The following RAPGEF2 variants were observed in gnomAD, a reference collection of about 807,000 sequenced individuals.
The protein encoded by RAPGEF2 is Rap guanine nucleotide exchange factor 2.
Under a neutral mutation model 186.7 loss-of-function variants are expected in RAPGEF2, and 54 were observed. The observed-to-expected ratio is 0.29, with a 90% CI of 0.23 to 0.36. The LOEUF (loss-of-function observed/expected upper bound fraction) is 0.36, where lower values mean the gene tolerates loss of function less well. Ranked by LOEUF, RAPGEF2 falls within the 10% of genes least tolerant of loss-of-function variation. The pLI is 1.00. For missense variants in RAPGEF2, 1,532 were observed against 2,045.0 expected, an observed-to-expected ratio of 0.75 and a Z score of 4.84; for synonymous variants, 712 against 705.9, an observed-to-expected ratio of 1.01 and a Z score of -0.14.
chr4:159,343,986 T>C (rs764827060), intron 22 of RAPGEF2, 50 bp from the exon 23 acceptor site: 7 of 1,516,796 alleles, frequency 4.6e-6, no homozygotes, highest in Non-Finnish European at 6.4e-6. Flanking sequence ...GTGATCTTTC[T>C]GTCTCTCTTT....
At chr4:159,242,501 T>G (rs1754137004) in intron 6 of RAPGEF2, among the ~76,000 whole-genome samples, 2 of 152,000 alleles carry the variant, frequency 1.3e-5, no homozygotes, top group African/African-American at 4.8e-5. Flanking sequence ...GAGAGCCCTT[T>G]TTATTTAAAT....
At chr4:159,149,602 C>A (rs1743315860) in intron 1 of RAPGEF2, among the ~76,000 whole-genome samples, 1 of 152,110 alleles carries the variant, frequency 6.6e-6, no homozygotes, top group African/African-American at 2.4e-5. Flanking sequence ...TCTCCCTCAT[C>A]CTCCTCACTC....
chr4:159,342,182 G>A (rs1729564380), intron 20 of RAPGEF2, among the ~76,000 whole-genome samples: 2 of 151,980 alleles, frequency 1.3e-5, no homozygotes, highest in South Asian at 4.1e-4. Flanking sequence ...GAAACATTTT[G>A]GTAGCATCTG....
At chr4:159,322,222 A>G (rs1765321691) in intron 9 of RAPGEF2, 125 bp from the exon 10 acceptor site, 15 of 733,260 alleles carry the variant, frequency 2.0e-5, no homozygotes, top group Non-Finnish European at 1.1e-5. Context: ...AAGATACTTG[A>G]TATGTATTTT....
In RAPGEF2 at chr4:159,317,828, G is replaced by A. The variant is rs370601997; in HGVS notation, c.853+3060G>A. Among the ~76,000 whole-genome samples the A allele has an allele frequency of 7.2e-5, 11 of 151,842 alleles. No homozygotes were observed. The East Asian group carries it at 7.7e-4, about 11-fold the overall frequency. ...CTTTAAAAAAAAAAATTGGTGAAAC[G>A]TTGCCTATGAATAGATTGATTTGGA... On this transcript the variant is annotated intron_variant, in intron 9 of 29. Coordinates refer to ENST00000691494, the MANE Select transcript of RAPGEF2 (RefSeq NM_001394067.2).
chr4:159,350,038 T>C (rs1730944437), intron 25 of RAPGEF2, 99 bp from the exon 26 acceptor site: 1 of 701,384 alleles, frequency 1.4e-6, no homozygotes, highest in Non-Finnish European at 2.2e-6. Flanking sequence ...CTCAGTGTAA[T>C]GATATTAAAT....
rs529416179 is a variant in RAPGEF2, at chr4:159,156,681, G to T, written c.70-29961G>T. On this transcript the variant is annotated intron_variant, in intron 1 of 29. Coordinates refer to ENST00000691494, the MANE Select transcript of RAPGEF2 (RefSeq NM_001394067.2). ...CAGGCCCCAGTGTGTGATGTTCCCC[G>T]CCCTGTATCCAAGTGATCTCATTGT... 8.5e-5 allele frequency among the ~76,000 whole-genome samples: 13 copies of T among 152,054 alleles called. No individual in the cohort carries two copies. The South Asian group carries it at 1.5e-3, about 17-fold the overall frequency.
At chr4:159,207,553 T>C (rs1341431036) in intron 3 of RAPGEF2, among the ~76,000 whole-genome samples, 1 of 152,390 alleles carries the variant, frequency 6.6e-6, no homozygotes, top group East Asian at 1.9e-4. Context: ...ATGTTAACTC[T>C]ATTAGTTGTC....
intron 1 of RAPGEF2, among the ~76,000 whole-genome samples, chr4:159,154,282 A>G (rs532075495): frequency 4.6e-5 from 7 of 152,308 alleles, no homozygotes; most frequent in African/African-American, 1.7e-4. Context: ...ATGGCAAGAA[A>G]ACTTACTAGG....
intron 1 of RAPGEF2, among the ~76,000 whole-genome samples, chr4:159,117,044 TTATC>T (rs141568392): frequency 9.9e-4 from 150 of 152,270 alleles, no homozygotes; most frequent in African/African-American, 3.4e-3. Context: ...ACAAAAGTAT[TTATC>T]TAAGTTGTAT....
rs576422768 is a variant in RAPGEF2, at chr4:159,167,592, T to G, written c.70-19050T>G. The stretch of plus-strand genomic sequence containing the variant: ...TCATACCCTTTCCTTTTGTGATTTT[T>G]TTTCTTCTTGTGTGTCACTGTCAAA... On this transcript the variant is annotated intron_variant, in intron 1 of 29. Transcript: ENST00000691494. 2.0e-5 allele frequency among the ~76,000 whole-genome samples: 3 copies of G among 152,336 alleles called. No individual in the cohort carries two copies. In the East Asian group the frequency reaches 5.8e-4, roughly 29 times the overall value.
intron 4 of RAPGEF2, among the ~76,000 whole-genome samples, chr4:159,233,758 T>C (rs1468384246): frequency 6.6e-6 from 1 of 151,920 alleles, no homozygotes; most frequent in African/African-American, 2.4e-5. Flanking sequence ...CCCAATAACC[T>C]ATGGAAATAA....
intron 8 of RAPGEF2, among the ~76,000 whole-genome samples, chr4:159,304,961 T>C (rs1763103695): frequency 6.6e-6 from 1 of 152,176 alleles, no homozygotes; most frequent in Non-Finnish European, 1.5e-5. Context: ...GTCTGAATTA[T>C]TTCAATCAAG....
chr4:159,295,754 T>TGCGC (rs66478721), intron 7 of RAPGEF2, among the ~76,000 whole-genome samples: 147 of 113,964 alleles, frequency 1.3e-3, no homozygotes, highest in African/African-American at 3.4e-3. Context: ...TGTGTGTGTG[T>TGCGC]GCGCGCGCGC....
At chr4:159,184,058 A>C (rs973414883) in intron 1 of RAPGEF2, among the ~76,000 whole-genome samples, 7 of 152,324 alleles carry the variant, frequency 4.6e-5, no homozygotes, top group Middle Eastern at 6.8e-3. Flanking sequence ...GTGTCCCTAC[A>C]AAGGACATGA....
chr4:159,356,874 C>G (rs1472344721), intron 29 of RAPGEF2, among the ~76,000 whole-genome samples: 1 of 152,000 alleles, frequency 6.6e-6, no homozygotes, highest in Non-Finnish European at 1.5e-5. Context: ...GCACTCCAGC[C>G]TGGGTGACAG....
At chr4:159,239,009 GATAT>G (rs1345682616) in intron 5 of RAPGEF2, 125 bp downstream of exon 5, 1 of 478,138 alleles carries the variant, frequency 2.1e-6, no homozygotes, top group African/African-American at 2.0e-5. Context: ...TTCTATAACA[GATAT>G]ATTTATTTCA....
At chr4:159,265,208 C>T (rs1429011569) in intron 7 of RAPGEF2, among the ~76,000 whole-genome samples, 1 of 152,090 alleles carries the variant, frequency 6.6e-6, no homozygotes, top group Non-Finnish European at 1.5e-5. Context: ...GCGGTGAACA[C>T]AGGAGTACAC....
chr4:159,116,664 G>C (rs1260110124), intron 1 of RAPGEF2, among the ~76,000 whole-genome samples: 1 of 152,212 alleles, frequency 6.6e-6, no homozygotes, highest in Non-Finnish European at 1.5e-5. Context: ...CAATCCAAAT[G>C]TCAATCGCTG....
Sources: allele counts gnomAD v4.1 joint callset (sites outside exome capture counted in the v4.1 genomes callset), GRCh38; gene constraint gnomAD v4.1.1; transcripts MANE v1.5; gene names NCBI Gene and HGNC (gene_info 2026-07-23, HGNC 2026-07-21).